The following BMP1 variants were observed in gnomAD, a reference collection of about 807,000 sequenced individuals.
BMP1 encodes the protein bone morphogenetic protein 1.
BMP1 carries 63 observed loss-of-function variants against 116.8 expected under a neutral mutation model. That is an observed-to-expected ratio of 0.54 (90% confidence interval 0.44 to 0.67). The LOEUF is 0.67. Ranked by LOEUF, BMP1 falls within the 30% of genes least tolerant of loss-of-function variation. The pLI, the probability that BMP1 is intolerant of heterozygous loss-of-function variation, is 0.00. For missense variants in BMP1, 1,183 were observed against 1,358.9 expected, an observed-to-expected ratio of 0.87 and a Z score of 2.04; for synonymous variants, 536 against 533.4, an observed-to-expected ratio of 1.00 and a Z score of -0.07.
At chr8:22,204,813 A>T (rs994837419) in intron 16 of BMP1, among the ~76,000 whole-genome samples, 2 of 146,958 alleles carry the variant, frequency 1.4e-5, no homozygotes, top group African/African-American at 5.0e-5. Flanking sequence ...GATTGAGGAG[A>T]CCTGCCGTGA....
chr8:22,199,030 G>T (rs147046395), intron 15 of BMP1: 27 of 1,337,754 alleles, frequency 2.0e-5, no homozygotes, highest in Non-Finnish European at 2.5e-5. Flanking sequence ...AGTCTTGGAG[G>T]GGGCAGGGGA....
At chr8:22,175,347 G>A (rs1300714821) in intron 2 of BMP1, among the ~76,000 whole-genome samples, 1 of 152,174 alleles carries the variant, frequency 6.6e-6, no homozygotes, top group Non-Finnish European at 1.5e-5. Context: ...AATGAGAAGG[G>A]ATATTTTCCT....
In BMP1 at chr8:22,194,279, G is replaced by A; in HGVS notation, c.1297+105G>A. On this transcript the variant is annotated intron_variant, in intron 10 of 19. Coordinates refer to ENST00000306385, the MANE Select transcript of BMP1 (RefSeq NM_006129.5). This position sits in a 1 kb window ranked among gnomAD's most constrained non-coding sequence, Gnocchi z 4.5. ...AGGGGCAAGATTGTGGGTTCCCAAG[G>A]GAAGAAGCAGAGAGAATGATGGGAT... 6.8e-7 allele frequency: 1 copy of A among 1,467,954 alleles called. No individual in the cohort carries two copies. The highest frequency in any genetic ancestry group is 9.5e-7 in the Non-Finnish European group (1 of 1,056,644). The allele number at this position is 1,467,954 out of a possible 1,614,324, so 90.9% of individuals were successfully genotyped here.
chr8:22,208,656 A>T (rs577551694), intron 18 of BMP1, among the ~76,000 whole-genome samples: 2 of 152,324 alleles, frequency 1.3e-5, no homozygotes, highest in Non-Finnish European at 2.9e-5. Flanking sequence ...TGTGGGAATG[A>T]TGTGGCTGCA....
At position 22,178,557 on chromosome 8, in the gene BMP1, C is replaced by G. The variant is rs539596259; in HGVS notation, c.836+600C>G. Among the ~76,000 whole-genome samples, 19 of 146,338 alleles carry G rather than the reference C, an allele frequency of 1.3e-4. No individual in the cohort carries two copies. In the East Asian group the frequency reaches 3.7e-3, roughly 29 times the overall value. ...TCCCAAAACGCTGAGATTACAGGCGCGAGCCACCAATGCCCAGCCATTCCT... is the reference window on the plus strand; with the variant it reads ...TCCCAAAACGCTGAGATTACAGGCGGGAGCCACCAATGCCCAGCCATTCCT... On this transcript the variant is annotated intron_variant, in intron 6 of 19. Coordinates refer to ENST00000306385, the MANE Select transcript of BMP1 (RefSeq NM_006129.5).
chr8:22,171,020 C>T (rs766893306), intron 1 of BMP1: 1 of 152,200 alleles, frequency 6.6e-6, no homozygotes. Flanking sequence ...GAGTATGAAC[C>T]CACTGCTTCT....
At chr8:22,198,110 A>G (rs1250914329) in intron 15 of BMP1, among the ~76,000 whole-genome samples, 3 of 152,202 alleles carry the variant, frequency 2.0e-5, no homozygotes, top group Non-Finnish European at 4.4e-5. Flanking sequence ...GCTTGAGCCC[A>G]GGAGTTTGAG....
chr8:22,181,311 A>G (rs751202161), intron 8 of BMP1, among the ~76,000 whole-genome samples: 4 of 152,122 alleles, frequency 2.6e-5, no homozygotes, highest in Non-Finnish European at 5.9e-5. Flanking sequence ...CGGGCATACT[A>G]CGGGATCGGG....
At position 22,196,746 on chromosome 8, in the gene BMP1, A is replaced by AC. The variant is rs758822270; in HGVS notation, c.1839dup (p.Asn614GlnfsTer21). ...ACCAGCCCGGGCTGGCCCAAGGAGTACCCCCCCAACAAGAACTGCATCTGG... is the reference window on the plus strand; with the variant it reads ...ACCAGCCCGGGCTGGCCCAAGGAGTACCCCCCCCAACAAGAACTGCATCTGG... On this transcript the variant is annotated frameshift_variant, in exon 14 of 20. Transcript: ENST00000306385. LOFTEE classifies it high-confidence loss of function. 8.7e-6 allele frequency: 14 copies of AC among 1,611,360 alleles called. No homozygotes were observed. Among genetic ancestry groups the AC allele is most frequent in the African/African-American group, 2.7e-5 (2 of 74,022 alleles).
rs202128760 is a variant in BMP1 at position 22,206,970 on chromosome 8, C to T, written c.2350C>T (p.Arg784Trp). Residue 784 changes from arginine (R) to tryptophan (W), a missense_variant, in exon 17 of 20, where the codon CGG becomes TGG. Arg to Trp is a moderately radical substitution (Grantham distance 101). This residue lies in a region of BMP1 where 956 missense variants were observed against 1,135.2 expected (regional missense o/e 0.84). Transcript: ENST00000306385. ...GGCCATCTCCAGCACCCCCGGGCAC[C>T]GGGTCAAGCTGGTAAGGGGTCCCCT... ...TWAISSTPGH[R>W]VKLTFMEMDI... 13 of 1,614,108 alleles carry T rather than the reference C, an allele frequency of 8.1e-6. No homozygotes were observed. The highest frequency in any genetic ancestry group is 2.2e-5 in the East Asian group (1 of 44,886).
intron 15 of BMP1, chr8:22,201,041 T>C: frequency 7.8e-7 from 1 of 1,274,598 alleles, no homozygotes; most frequent in Non-Finnish European, 1.1e-6. Context: ...GGTCTGGTTT[T>C]CACTGCTGTC....
At chr8:22,208,734 G>A (rs1028294929) in intron 18 of BMP1, among the ~76,000 whole-genome samples, 1 of 152,344 alleles carries the variant, frequency 6.6e-6, no homozygotes, top group South Asian at 2.1e-4. Context: ...GAGCTTTGCA[G>A]TCTCCTCCTG....
chr8:22,197,223 G>T lies in BMP1; in HGVS notation c.1927-17G>T. On this transcript the variant is annotated splice_polypyrimidine_tract_variant and intron_variant, in intron 14 of 19. Coordinates refer to ENST00000306385, the MANE Select transcript of BMP1 (RefSeq NM_006129.5). The stretch of plus-strand genomic sequence containing the variant: ...GCTTCCTGGAGGAGGCGGGCCTGGA[G>T]CTGGGCTTCCCTGCAGGTGTGCAAG... 6.2e-7 allele frequency: 1 copy of T among 1,601,376 alleles called. No homozygotes were observed. The highest frequency in any genetic ancestry group is 8.5e-7 in the Non-Finnish European group (1 of 1,169,810).
chr8:22,207,877 T>C (rs982970877), intron 18 of BMP1, among the ~76,000 whole-genome samples: 4 of 150,452 alleles, frequency 2.7e-5, no homozygotes, highest in African/African-American at 1.0e-4. Flanking sequence ...TTTTTATTTT[T>C]ATTTTTATTT....
At position 22,192,076 on chromosome 8, in the gene BMP1, C is replaced by A; in HGVS notation, c.1105C>A (p.Leu369Met). 1 of 1,613,990 alleles carries A rather than the reference C, an allele frequency of 6.2e-7. No individual in the cohort carries two copies. Residue 369 changes from leucine to methionine, a missense_variant, in exon 9 of 20, where the codon CTG (leucine) becomes ATG (methionine). By Grantham distance (15) the Leu-to-Met change is conservative. This residue lies in a region of BMP1 where 956 missense variants were observed against 1,135.2 expected (regional missense o/e 0.84). Coordinates refer to ENST00000306385, the MANE Select transcript of BMP1 (RefSeq NM_006129.5). ...KIILNFTSLDLYRSRLCWYDY... is the reference protein window; with the variant it reads ...KIILNFTSLDMYRSRLCWYDY... ...CATCCTGAACTTCACGTCCCTGGACCTGTACCGCAGCCGCCTGTGCTGGTA... is the reference window on the plus strand; with the variant it reads ...CATCCTGAACTTCACGTCCCTGGACATGTACCGCAGCCGCCTGTGCTGGTA...
intron 17 of BMP1, 72 bp downstream of exon 17, chr8:22,207,053 A>G: frequency 7.6e-6 from 12 of 1,577,338 alleles, no homozygotes; most frequent in Non-Finnish European, 1.0e-5. Context: ...AGAGCCACAC[A>G]GGCTGCAGGC....
chr8:22,168,527 C>T (rs1466777223), intron 1 of BMP1, among the ~76,000 whole-genome samples: 1 of 152,178 alleles, frequency 6.6e-6, no homozygotes, highest in Non-Finnish European at 1.5e-5. Context: ...GCCAGTGAGG[C>T]CCCTGCTACC....
chr8:22,208,541 G>A (rs1041084272), intron 18 of BMP1, among the ~76,000 whole-genome samples: 1 of 152,252 alleles, frequency 6.6e-6, no homozygotes, highest in African/African-American at 2.4e-5. Flanking sequence ...GAGGCAGGGG[G>A]AGGTGCCCAG....
intron 6 of BMP1, 51 bp downstream of exon 6, chr8:22,178,008 C>A (rs1828503573): frequency 9.9e-6 from 14 of 1,408,432 alleles, no homozygotes; most frequent in Non-Finnish European, 1.4e-5. Context: ...CCCACCCTGC[C>A]CTCTGTAGGC....
Sources: gnomAD v4.1 joint callset for allele counts (sites outside exome capture counted in the v4.1 genomes callset) on GRCh38, gnomAD v4.1.1 for gene constraint, gnomAD v4.1.1 regional missense constraint, Gnocchi (gnomAD v3.1) non-coding constraint, MANE v1.5 for transcripts, NCBI Gene and HGNC (gene_info 2026-07-23, HGNC 2026-07-21) for gene names.